The following UNC79 variants were observed in gnomAD, a reference collection of about 807,000 sequenced individuals.
The protein encoded by UNC79 is protein unc-79 homolog.
UNC79 carries 37 observed loss-of-function variants against 283.1 expected under a neutral mutation model. The observed-to-expected ratio is 0.13, with a 90% confidence interval of 0.10 to 0.17. The LOEUF (loss-of-function observed/expected upper bound fraction) is 0.17, where lower values mean the gene tolerates loss of function less well. UNC79 is among the 10% of genes least tolerant of loss of function. The probability of loss-of-function intolerance (pLI) is 1.00; values close to 1 mark genes in which losing one functional copy is unlikely to be tolerated. For synonymous variants in UNC79, 1,107 were observed against 1,200.2 expected (o/e 0.92, Z 1.61); for missense variants, 2,272 against 3,211.1 (o/e 0.71, Z 7.07).
At chr14:93,511,318 A>T (rs1250674062) in intron 7 of UNC79, among the ~76,000 whole-genome samples, 1 of 152,154 alleles carries the variant, frequency 6.6e-6, no homozygotes, top group Non-Finnish European at 1.5e-5. Flanking sequence ...AACTTGAGGG[A>T]ATATTTCACC....
rs866623280 is a variant in UNC79 at position 93,704,801 on chromosome 14, T to C, written c.7590+135T>C. 162 of 1,130,652 alleles carry C rather than the reference T, an allele frequency of 1.4e-4. 1 individual carries two copies. In the African/African-American group the frequency reaches 2.3e-3, roughly 16 times the overall value. The allele number at this position is 1,130,652 out of a possible 1,614,324, so 70.0% of individuals were successfully genotyped here. ...GCTCCTGGCCTTAGAGGGCTGATAA[T>C]GCAGGAGACCTGTGGGCCAGGTAAG... On this transcript the variant is annotated intron_variant, in intron 48 of 48. Coordinates refer to ENST00000555664, the Ensembl canonical transcript of UNC79.
intron 1 of UNC79, among the ~76,000 whole-genome samples, chr14:93,419,797 C>G (rs1339109795): frequency 6.6e-6 from 1 of 151,562 alleles, no homozygotes; most frequent in Admixed American, 6.6e-5. Context: ...GGTGTGGTGG[C>G]TGACCCCTGT....
At chr14:93,418,086 A>T (rs2055504007) in intron 1 of UNC79, among the ~76,000 whole-genome samples, 1 of 151,678 alleles carries the variant, frequency 6.6e-6, no homozygotes, top group Non-Finnish European at 1.5e-5. Context: ...TTGGAGGAGG[A>T]GAGGTGCTCT....
chr14:93,610,200 G>A (rs1475981633), intron 26 of UNC79, among the ~76,000 whole-genome samples: 1 of 152,202 alleles, frequency 6.6e-6, no homozygotes, highest in Non-Finnish European at 1.5e-5. Flanking sequence ...GGGATGGAAG[G>A]AAATGGGCAG....
chr14:93,572,837 A>G, intron 16 of UNC79, 21 bp downstream of exon 16: 1 of 1,611,500 alleles, frequency 6.2e-7, no homozygotes. Flanking sequence ...AATACTTTCG[A>G]TCATTTTAGG....
intron 29 of UNC79, among the ~76,000 whole-genome samples, chr14:93,619,769 C>T (rs2066989879): frequency 6.6e-6 from 1 of 152,102 alleles, no homozygotes; most frequent in South Asian, 2.1e-4. Context: ...TAAAAAAAAC[C>T]TTGAATAATC....
chr14:93,639,314 A>G (rs1316399979), intron 32 of UNC79, among the ~76,000 whole-genome samples: 1 of 152,214 alleles, frequency 6.6e-6, no homozygotes, highest in Non-Finnish European at 1.5e-5. Flanking sequence ...GTGGTCTGTC[A>G]ATGTTCAAGA....
At chr14:93,706,761 C>T (rs1285032373) in exon 49 of UNC79, 1 of 1,614,252 alleles carries the variant, frequency 6.2e-7, no homozygotes, top group African/African-American at 1.3e-5. Flanking sequence ...CGTGAACCAC[C>T]ACAGCCTAAG....
chr14:93,683,080 A>G (rs1269828428), intron 42 of UNC79, among the ~76,000 whole-genome samples: 1 of 151,644 alleles, frequency 6.6e-6, no homozygotes, highest in East Asian at 1.9e-4. Flanking sequence ...CTTTGTCCAT[A>G]CTTCAGACCA....
At chr14:93,686,201 T>C (rs1005786878) in intron 42 of UNC79, among the ~76,000 whole-genome samples, 7 of 152,238 alleles carry the variant, frequency 4.6e-5, no homozygotes, top group Non-Finnish European at 4.4e-5. Flanking sequence ...TGTGTTGCTA[T>C]GTTTTGGGAT....
At chr14:93,494,520 T>C (rs2058927840) in intron 5 of UNC79, among the ~76,000 whole-genome samples, 1 of 152,202 alleles carries the variant, frequency 6.6e-6, no homozygotes, top group Non-Finnish European at 1.5e-5. Flanking sequence ...AATTAGGTAG[T>C]TGTATTATGG....
chr14:93,678,900 A>C (rs1223615013), intron 41 of UNC79, among the ~76,000 whole-genome samples: 2 of 152,196 alleles, frequency 1.3e-5, no homozygotes, highest in African/African-American at 4.8e-5. Context: ...TCAGAGTCCA[A>C]ATTGTTGATC....
At chr14:93,465,175 G>T (rs1380719935) in intron 1 of UNC79, among the ~76,000 whole-genome samples, 1 of 151,872 alleles carries the variant, frequency 6.6e-6, no homozygotes, top group Non-Finnish European at 1.5e-5. Context: ...TAGGTGTCTG[G>T]CACTAAGGAT....
At position 93,400,448 on chromosome 14, in the gene UNC79, G is replaced by A. The variant is rs935708242; in HGVS notation, c.-351+66925G>A. Reference sequence around the variant, plus strand: ...TAGTTAAATATGGTATAAATTAGCAGATAAGTGCCACATGAATGGTTCAGG... The same window carrying A: ...TAGTTAAATATGGTATAAATTAGCAAATAAGTGCCACATGAATGGTTCAGG... On this transcript the variant is annotated intron_variant, in intron 1 of 49. Transcript: ENST00000256339. 9.9e-5 allele frequency among the ~76,000 whole-genome samples: 15 copies of A among 152,168 alleles called. No individual in the cohort carries two copies. In the South Asian group the frequency reaches 1.4e-3, roughly 15 times the overall value.
At position 93,659,969 on chromosome 14, in the gene UNC79, G is replaced by A. The variant is rs371595771; in HGVS notation, c.6525+708G>A. ...AACTTTTTCCTGTATCAGCTTCCAT[G>A]GTATTTGATAGAGCTCTCTATAGTA... On this transcript the variant is annotated intron_variant, in intron 39 of 48. Coordinates refer to ENST00000555664, the Ensembl canonical transcript of UNC79. Among the ~76,000 whole-genome samples the A allele has an allele frequency of 1.1e-4, 17 of 152,178 alleles. 1 individual carries two copies. The South Asian group carries it at 3.3e-3, about 30-fold the overall frequency.
intron 1 of UNC79, among the ~76,000 whole-genome samples, chr14:93,409,795 A>G (rs2055299286): frequency 6.6e-6 from 1 of 152,240 alleles, no homozygotes; most frequent in Non-Finnish European, 1.5e-5. Flanking sequence ...AATTATCTCA[A>G]AATTACTTCA....
chr14:93,644,863 A>G (rs187015564), intron 34 of UNC79, among the ~76,000 whole-genome samples: 63 of 152,314 alleles, frequency 4.1e-4, no homozygotes, highest in Non-Finnish European at 7.6e-4. Flanking sequence ...TAGGAGTCAT[A>G]TAGACAGATT....
intron 1 of UNC79, among the ~76,000 whole-genome samples, chr14:93,454,145 C>A (rs2056729292): frequency 6.6e-6 from 1 of 151,546 alleles, no homozygotes; most frequent in African/African-American, 2.4e-5. Flanking sequence ...TGGGCTCAAA[C>A]CACCCTCCCA....
chr14:93,697,313 T>C (rs2141006932), intron 47 of UNC79, among the ~76,000 whole-genome samples: 1 of 152,144 alleles, frequency 6.6e-6, no homozygotes, highest in African/African-American at 2.4e-5. Flanking sequence ...TTTTTGTATT[T>C]TTAATAGAGA....
Sources: gnomAD v4.1 joint callset for allele counts (sites outside exome capture counted in the v4.1 genomes callset) on GRCh38, gnomAD v4.1.1 for gene constraint, MANE v1.5 for transcripts, NCBI Gene and HGNC (gene_info 2026-07-23, HGNC 2026-07-21) for gene names.